NYAP2: variants seen among roughly 807,000 people sequenced by gnomAD.
NYAP2 encodes neuronal tyrosine-phosphorylated phosphoinositide-3-kinase adapter 2.
Under a neutral mutation model 50.4 loss-of-function variants are expected in NYAP2, and 23 were observed. That is an observed-to-expected ratio of 0.46 (90% confidence interval 0.33 to 0.65). The LOEUF (loss-of-function observed/expected upper bound fraction) is 0.65, where lower values mean the gene tolerates loss of function less well. Among genes scored for constraint, NYAP2 ranks in the 30% least tolerant of loss-of-function variants. The pLI is 0.02. For missense variants in NYAP2, 885 were observed against 861.0 expected (o/e 1.03, Z -0.35); for synonymous variants, 394 against 365.2 (o/e 1.08, Z -0.90).
At chr2:225,612,922 G>A (rs768799342) in intron 5 of NYAP2, among the ~76,000 whole-genome samples, 5 of 69,038 alleles carry the variant, frequency 7.2e-5, no homozygotes, top group Non-Finnish European at 1.1e-4. Context: ...CCATAACAGT[G>A]AGTCTTCCCA....
chr2:225,438,558 A>G (rs1365524534), intron 3 of NYAP2, among the ~76,000 whole-genome samples: 1 of 152,256 alleles, frequency 6.6e-6, no homozygotes, highest in East Asian at 1.9e-4. Context: ...TTTGGTAGAT[A>G]ATAACTTACA....
intron 4 of NYAP2, among the ~76,000 whole-genome samples, chr2:225,538,608 T>C (rs1691392534): frequency 6.6e-6 from 1 of 152,204 alleles, no homozygotes; most frequent in Non-Finnish European, 1.5e-5. Context: ...CCTAGGCCTC[T>C]AGGCTTGTAA....
chr2:225,685,150 A>G, the NYAP2 span, among the ~76,000 whole-genome samples: 1 of 152,194 alleles, frequency 6.6e-6, no homozygotes, highest in Non-Finnish European at 1.5e-5. Flanking sequence ...AAACAATTAT[A>G]ATTTAAGTCT....
chr2:225,685,188 G>C, the NYAP2 span, among the ~76,000 whole-genome samples: 1 of 152,092 alleles, frequency 6.6e-6, no homozygotes, highest in East Asian at 1.9e-4. Flanking sequence ...TGTTTTCCTT[G>C]CCTATGAGCT....
intron 5 of NYAP2, among the ~76,000 whole-genome samples, chr2:225,601,101 T>C (rs1410205150): frequency 1.3e-5 from 2 of 151,234 alleles, no homozygotes; most frequent in African/African-American, 4.9e-5. Flanking sequence ...CTGAATCATG[T>C]GGGTAGTAAT....
chr2:225,611,508 T>G (rs1050652364), intron 5 of NYAP2, among the ~76,000 whole-genome samples: 3 of 152,020 alleles, frequency 2.0e-5, no homozygotes, highest in Non-Finnish European at 4.4e-5. Flanking sequence ...GCACAAATAT[T>G]TCCCTCTGCC....
At chr2:225,406,544 C>A (rs1694943074) in intron 2 of NYAP2, among the ~76,000 whole-genome samples, 1 of 151,742 alleles carries the variant, frequency 6.6e-6, no homozygotes. Context: ...CTTTTCATAA[C>A]ACGTGCTCAA....
At chr2:225,411,807 G>A (rs1007618873) in intron 3 of NYAP2, among the ~76,000 whole-genome samples, 3 of 151,936 alleles carry the variant, frequency 2.0e-5, no homozygotes, top group Non-Finnish European at 4.4e-5. Flanking sequence ...CCTGAGAACT[G>A]ACCATTGCTT....
intron 4 of NYAP2, among the ~76,000 whole-genome samples, chr2:225,549,136 C>A (rs1325735445): frequency 6.6e-6 from 1 of 152,136 alleles, no homozygotes; most frequent in Non-Finnish European, 1.5e-5. Context: ...CCACTTGGGC[C>A]TCCCAAAGTG....
intron 3 of NYAP2, among the ~76,000 whole-genome samples, chr2:225,457,996 T>C (rs1167504745): frequency 6.6e-6 from 1 of 152,150 alleles, no homozygotes; most frequent in Admixed American, 6.5e-5. Context: ...TGGGCTTTAG[T>C]TCTATCTCCT....
intron 4 of NYAP2, among the ~76,000 whole-genome samples, chr2:225,554,533 G>C (rs571974156): frequency 1.3e-5 from 2 of 151,646 alleles, no homozygotes; most frequent in Admixed American, 6.6e-5. Context: ...CATGTTGGTC[G>C]GGCTGATCTT....
At chr2:225,482,187 C>T (rs899346947) in intron 3 of NYAP2, among the ~76,000 whole-genome samples, 32 of 152,056 alleles carry the variant, frequency 2.1e-4, no homozygotes, top group East Asian at 5.8e-4. Context: ...TCACTACCTG[C>T]GATTTTACAG....
chr2:225,583,499 T>G (rs1692337319), intron 5 of NYAP2, among the ~76,000 whole-genome samples: 1 of 152,028 alleles, frequency 6.6e-6, no homozygotes, highest in African/African-American at 2.4e-5. Context: ...GAATTAAAAA[T>G]GACAATCTGC....
chr2:225,514,016 G>A (rs1690881743), intron 4 of NYAP2, among the ~76,000 whole-genome samples: 1 of 151,832 alleles, frequency 6.6e-6, no homozygotes, highest in Non-Finnish European at 1.5e-5. Context: ...ATTATCAAGG[G>A]GACATTTTAA....
At chr2:225,626,843 C>A in intron 5 of NYAP2, 74 bp from the exon 6 acceptor site, 1 of 1,125,592 alleles carries the variant, frequency 8.9e-7, no homozygotes, top group Non-Finnish European at 1.3e-6. Flanking sequence ...TAGAAAATCA[C>A]ACTAATTTTT....
At chr2:225,597,534 T>TATATATATATATATATATATATATATATA (rs1553554344) in intron 5 of NYAP2, among the ~76,000 whole-genome samples, 1 of 123,264 alleles carries the variant, frequency 8.1e-6, no homozygotes, top group African/African-American at 2.7e-5. Flanking sequence ...TATATATGTA[T>TATATATATATATATATATATATATATATA]CACAATTTCC....
intron 5 of NYAP2, among the ~76,000 whole-genome samples, chr2:225,601,124 T>G (rs947374828): frequency 9.2e-5 from 4 of 43,656 alleles, no homozygotes; most frequent in Admixed American, 6.5e-4. Context: ...TGTGTTTAAG[T>G]TTTTTTTTTT....
chr2:225,675,108 TA>T, the NYAP2 span, among the ~76,000 whole-genome samples: 1 of 152,282 alleles, frequency 6.6e-6, no homozygotes, highest in Non-Finnish European at 1.5e-5. Flanking sequence ...TATTGTTTAT[TA>T]GTGGTAAAAG....
intron 3 of NYAP2, among the ~76,000 whole-genome samples, chr2:225,477,582 G>A (rs1690138373): frequency 6.6e-6 from 1 of 151,916 alleles, no homozygotes; most frequent in African/African-American, 2.4e-5. Context: ...TGATACTGCT[G>A]GTCTCTGGAC....
Sources: allele counts gnomAD v4.1 joint callset (sites outside exome capture counted in the v4.1 genomes callset), GRCh38; gene constraint gnomAD v4.1.1; transcripts MANE v1.5; gene names NCBI Gene and HGNC (gene_info 2026-07-23, HGNC 2026-07-21).